INHBA: variants seen among roughly 807,000 people sequenced by gnomAD.
INHBA encodes the protein inhibin beta A chain.
A neutral mutation model predicts 29.0 loss-of-function variants in INHBA; 1 was observed. That is an observed-to-expected ratio of 0.03 (90% confidence interval 0.01 to 0.16). The LOEUF is 0.16. Ranked by LOEUF, INHBA falls within the 10% of genes least tolerant of loss-of-function variation. The pLI, the probability that INHBA is intolerant of heterozygous loss-of-function variation, is 1.00. For synonymous variants in INHBA, 242 were observed against 216.8 expected (o/e 1.12, Z -1.02); for missense variants, 376 against 545.4 (o/e 0.69, Z 3.09).
At chr7:41,702,733 G>T (rs956283347) in intron 1 of INHBA, among the ~76,000 whole-genome samples, 1 of 152,184 alleles carries the variant, frequency 6.6e-6, no homozygotes, top group African/African-American at 2.4e-5. Flanking sequence ...GTATGTGTGT[G>T]TTCCCTGAAT....
At chr7:41,698,037 G>A (rs930638362) in intron 2 of INHBA, among the ~76,000 whole-genome samples, 13 of 152,098 alleles carry the variant, frequency 8.5e-5, no homozygotes, top group South Asian at 2.1e-4. Flanking sequence ...CAATGTGAAC[G>A]TCCAACGAAT....
At chr7:41,702,668 T>C (rs1794822304) in intron 1 of INHBA, among the ~76,000 whole-genome samples, 1 of 152,226 alleles carries the variant, frequency 6.6e-6, no homozygotes, top group African/African-American at 2.4e-5. Flanking sequence ...GGAGTCCTAA[T>C]AGCAGCATTT....
At chr7:41,703,263 C>T (rs1794832560), upstream of INHBA, among the ~76,000 whole-genome samples, 1 of 152,164 alleles carries the variant, frequency 6.6e-6, no homozygotes, top group African/African-American at 2.4e-5. Flanking sequence ...CCCTTCCTGG[C>T]TTCTGAGACA....
At chr7:41,703,357 G>A (rs750056681), upstream of INHBA, among the ~76,000 whole-genome samples, 39 of 152,164 alleles carry the variant, frequency 2.6e-4, no homozygotes, top group Non-Finnish European at 4.4e-4. Flanking sequence ...AAATAGATAT[G>A]TCTCAATGAG....
chr7:41,698,954 C>A (rs1794710135), intron 2 of INHBA, among the ~76,000 whole-genome samples: 1 of 152,174 alleles, frequency 6.6e-6, no homozygotes, highest in South Asian at 2.1e-4. Context: ...GCAAAGGATG[C>A]AATTCTTTAG....
At chr7:41,692,703 A>G (rs1402416244) in intron 2 of INHBA, 1 of 152,250 alleles carries the variant, frequency 6.6e-6, no homozygotes, top group Non-Finnish European at 1.5e-5. Flanking sequence ...TAGATAGAAT[A>G]CCAGAGCAGA....
chr7:41,704,102 C>A (rs1794857502), upstream of INHBA, among the ~76,000 whole-genome samples: 1 of 152,120 alleles, frequency 6.6e-6, no homozygotes. Context: ...CTAATGAGAG[C>A]CATATGACCA....
upstream of INHBA, among the ~76,000 whole-genome samples, chr7:41,704,898 G>A (rs1794879862): frequency 6.6e-6 from 1 of 152,060 alleles, no homozygotes; most frequent in South Asian, 2.1e-4. Flanking sequence ...CTGACCAGAG[G>A]AGCCACAACA....
chr7:41,693,378 C>T (rs1794564252), intron 2 of INHBA, among the ~76,000 whole-genome samples: 1 of 152,184 alleles, frequency 6.6e-6, no homozygotes, highest in African/African-American at 2.4e-5. Flanking sequence ...ATGAATAACA[C>T]CCAAGGCTGA....
At chr7:41,703,887 T>C (rs1346968845), upstream of INHBA, among the ~76,000 whole-genome samples, 1 of 152,012 alleles carries the variant, frequency 6.6e-6, no homozygotes, top group Non-Finnish European at 1.5e-5. Context: ...TAACAGCAGA[T>C]TAATGAAAAG....
rs1293232398 is a variant in INHBA, at chr7:41,686,174, CT to C, written c.*3475del. ...TTAAATAAATATGAAATTGGTTGGTCTTCTGGGATAAGAAATTCCCAACTCA... is the reference window on the plus strand; with the variant it reads ...TTAAATAAATATGAAATTGGTTGGTCTCTGGGATAAGAAATTCCCAACTCA... On this transcript the variant is annotated 3_prime_UTR_variant, in exon 3 of 3. Transcript: ENST00000242208. 2 of 152,066 alleles carry C rather than the reference CT, an allele frequency of 1.3e-5. No homozygotes were observed. Among genetic ancestry groups the C allele is most frequent in the African/African-American group, 4.8e-5 (2 of 41,396 alleles). The allele number at this position is 152,066 out of a possible 1,614,324, so 9.4% of individuals were successfully genotyped here. A position where few individuals can be genotyped will look rare whatever the true frequency, so the allele number is the denominator to read the frequency against.
In INHBA at chr7:41,700,283, G is replaced by A. The variant is rs761497837; in HGVS notation, c.92C>T (p.Ala31Val). The A allele has an allele frequency of 1.1e-5, 18 of 1,594,762 alleles. 1 individual carries two copies. The highest frequency in any genetic ancestry group is 1.7e-4 in the Middle Eastern group (1 of 5,992). Residue 31 changes from alanine to valine, a missense_variant, in exon 2 of 3, where the codon GCG becomes GTG. Ala to Val is a moderately conservative substitution (Grantham distance 64). Coordinates refer to ENST00000242208, the MANE Select transcript of INHBA (RefSeq NM_002192.4). ...SPTPGSEGHS[A>V]APDCPSCALA... ...CGCACAGGACGGACAGTCGGGGGCC[G>A]CGCTGTGCCCCTCGGATCCTGGGGT... is the stretch of plus-strand genomic sequence containing the variant.
intron 2 of INHBA, among the ~76,000 whole-genome samples, chr7:41,690,795 G>C (rs1239947254): frequency 6.6e-6 from 1 of 152,174 alleles, no homozygotes; most frequent in Non-Finnish European, 1.5e-5. Context: ...TTAAACATTA[G>C]TGCCTGTAAA....
At chr7:41,690,903 C>A (rs1310458654) in intron 2 of INHBA, among the ~76,000 whole-genome samples, 1 of 152,216 alleles carries the variant, frequency 6.6e-6, no homozygotes, top group African/African-American at 2.4e-5. Flanking sequence ...CTGCAACAGA[C>A]TGCCTGGCTC....
At chr7:41,692,670 A>T (rs1794549436) in intron 2 of INHBA, 1 of 152,302 alleles carries the variant, frequency 6.6e-6, no homozygotes, top group African/African-American at 2.4e-5. Flanking sequence ...AGTTGAAATG[A>T]ATAATAAAGC....
At chr7:41,693,745 A>G (rs1187345516) in intron 2 of INHBA, among the ~76,000 whole-genome samples, 1 of 152,212 alleles carries the variant, frequency 6.6e-6, no homozygotes, top group Non-Finnish European at 1.5e-5. Flanking sequence ...AATTAACTGC[A>G]TGGCATCGCC....
intron 2 of INHBA, among the ~76,000 whole-genome samples, chr7:41,694,518 G>A (rs539033847): frequency 3.1e-4 from 47 of 152,312 alleles, no homozygotes; most frequent in Non-Finnish European, 4.9e-4. Flanking sequence ...ATAGTGCGCC[G>A]TGAGCAGGTT....
At chr7:41,698,990 G>T (rs979725506) in intron 2 of INHBA, among the ~76,000 whole-genome samples, 1 of 152,176 alleles carries the variant, frequency 6.6e-6, no homozygotes, top group Non-Finnish European at 1.5e-5. Flanking sequence ...AAAGTAACAC[G>T]GTATTAACAC....
chr7:41,702,310 T>C (rs1310182294), intron 1 of INHBA, among the ~76,000 whole-genome samples: 6 of 152,358 alleles, frequency 3.9e-5, no homozygotes, highest in African/African-American at 1.4e-4. Context: ...TTATATATAC[T>C]GTCCCCTTTT....
Sources: allele counts gnomAD v4.1 joint callset (sites outside exome capture counted in the v4.1 genomes callset), GRCh38; gene constraint gnomAD v4.1.1; transcripts MANE v1.5; gene names NCBI Gene and HGNC (gene_info 2026-07-23, HGNC 2026-07-21).